PTPRF: variants seen among roughly 807,000 people sequenced by gnomAD.
The protein encoded by PTPRF is receptor-type tyrosine-protein phosphatase F.
In PTPRF, 59 loss-of-function variants were observed where a neutral mutation model predicts 201.8. The ratio of observed to expected loss-of-function variants is 0.29; its 90% CI spans 0.24 to 0.36. PTPRF has a LOEUF of 0.36. Ranked by LOEUF, PTPRF falls within the 10% of genes least tolerant of loss-of-function variation. The pLI, the probability that PTPRF is intolerant of heterozygous loss-of-function variation, is 1.00. For synonymous variants in PTPRF, 1,088 were observed against 1,089.7 expected (o/e 1.00, Z 0.03); for missense variants, 2,132 against 2,690.5 (o/e 0.79, Z 4.59).
At chr1:43,575,166 A>T (rs973259854) in intron 6 of PTPRF, among the ~76,000 whole-genome samples, 1 of 152,154 alleles carries the variant, frequency 6.6e-6, no homozygotes, top group African/African-American at 2.4e-5. Context: ...AAACCCGCTC[A>T]AATCTCCTAA....
At chr1:43,544,943 A>G (rs1025650796) in intron 2 of PTPRF, 88 bp from the exon 3 acceptor site, 2 of 760,508 alleles carry the variant, frequency 2.6e-6, no homozygotes, top group African/African-American at 3.5e-5. Flanking sequence ...GTCAGTGAGG[A>G]TGACTGGGGG....
At chr1:43,545,883 C>T (rs1039890697) in intron 3 of PTPRF, among the ~76,000 whole-genome samples, 2 of 152,206 alleles carry the variant, frequency 1.3e-5, no homozygotes, top group East Asian at 1.9e-4. Context: ...GCTGCCCTTC[C>T]CCCTGCCTGG....
rs1353396650 is a variant in PTPRF, at chr1:43,569,740, C to T, written c.530C>T (p.Pro177Leu). Residue 177 changes from proline (P) to leucine (L), a missense_variant, in exon 6 of 34, where the codon CCT (proline) becomes CTT (leucine). This residue lies in a region of PTPRF where 297 missense variants were observed against 454.0 expected (regional missense o/e 0.65). Coordinates refer to ENST00000359947, the MANE Select transcript of PTPRF (RefSeq NM_002840.5). ...TTCAAGGACTTCCTTCCTGTAGACC[C>T]TGCCACGAGCAACGGCCGCATCAAG... ...SWFKDFLPVD[P>L]ATSNGRIKQL... 1 of 1,613,406 alleles carries T rather than the reference C, an allele frequency of 6.2e-7. No individual in the cohort carries two copies.
chr1:43,577,678 G>T (rs1647020217), intron 6 of PTPRF, among the ~76,000 whole-genome samples: 1 of 152,144 alleles, frequency 6.6e-6, no homozygotes, highest in Non-Finnish European at 1.5e-5. Context: ...TCCATGTCCT[G>T]TGTGGGTGTG....
chr1:43,620,261 G>T lies in PTPRF; in HGVS notation c.5238+40G>T, dbSNP rs372141810. The T allele has an allele frequency of 1.2e-5, 20 of 1,609,656 alleles. No homozygotes were observed. In the East Asian group the frequency reaches 3.3e-4, roughly 27 times the overall value. ...TCCCCCAGGGCCCCTGTCATACCTG[G>T]GAGAACACCAGCCACCCTTGGGGGA... On this transcript the variant is annotated intron_variant, in intron 30 of 33. Coordinates refer to ENST00000359947, the MANE Select transcript of PTPRF (RefSeq NM_002840.5).
chr1:43,598,664 C>T, intron 12 of PTPRF, 56 bp from the exon 13 acceptor site: 1 of 1,536,606 alleles, frequency 6.5e-7, no homozygotes. Flanking sequence ...GCTGTGCCCA[C>T]CTGAGCTAGG....
At chr1:43,608,316 G>A (rs903802493) in intron 21 of PTPRF, among the ~76,000 whole-genome samples, 1 of 152,178 alleles carries the variant, frequency 6.6e-6, no homozygotes, top group African/African-American at 2.4e-5. Flanking sequence ...TTGTCTTTCG[G>A]GACCTAGTAA....
At chr1:43,577,316 G>C (rs1175252397) in intron 6 of PTPRF, among the ~76,000 whole-genome samples, 1 of 152,182 alleles carries the variant, frequency 6.6e-6, no homozygotes, top group Non-Finnish European at 1.5e-5. Flanking sequence ...GACCTGTTGG[G>C]TGCCCATCAG....
chr1:43,549,224 G>A (rs1021479772), intron 3 of PTPRF, among the ~76,000 whole-genome samples: 1 of 152,234 alleles, frequency 6.6e-6, no homozygotes, highest in African/African-American at 2.4e-5. Flanking sequence ...CTCAGAAGTT[G>A]TGTTCCGACC....
At position 43,554,061 on chromosome 1, in the gene PTPRF, G is replaced by A. The variant is rs1016856462; in HGVS notation, c.379+120G>A. On this transcript the variant is annotated intron_variant, in intron 5 of 33. Transcript: ENST00000359947. This position sits in a 1 kb window ranked among gnomAD's most constrained non-coding sequence, Gnocchi z 4.1. ...GGCAGAAAGGAGGACTGGCCACCTC[G>A]GGGTCAGTGAAAGTCAGTGGTGGAC... 61 of 1,344,396 alleles carry A rather than the reference G, an allele frequency of 4.5e-5. No individual in the cohort carries two copies. The highest frequency in any genetic ancestry group is 5.6e-5 in the Non-Finnish European group (55 of 990,338). The allele number at this position is 1,344,396 out of a possible 1,614,324, so 83.3% of individuals were successfully genotyped here.
In PTPRF at chr1:43,588,693, T is replaced by A. The variant is rs1323727796; in HGVS notation, c.680-38T>A. 1 of 1,606,838 alleles carries A rather than the reference T, an allele frequency of 6.2e-7. No homozygotes were observed. Among genetic ancestry groups the A allele is most frequent in the East Asian group, 2.2e-5 (1 of 44,862 alleles). On this transcript the variant is annotated intron_variant, in intron 7 of 33. Transcript: ENST00000359947. The surrounding 1 kb of genome is among the most constrained non-coding windows in gnomAD (Gnocchi z 5.3). ...TGCCCTTCCATGCAGTCGTGTGTCC[T>A]GCCCGGCCTGTGAGTGCCTCTCTCC...
chr1:43,538,639 G>A (rs1261475398), intron 2 of PTPRF, among the ~76,000 whole-genome samples: 1 of 152,222 alleles, frequency 6.6e-6, no homozygotes, highest in Non-Finnish European at 1.5e-5. Context: ...GCTACTGTAG[G>A]TGTGAAATAG....
At chr1:43,590,754 C>T (rs1253905547) in intron 8 of PTPRF, among the ~76,000 whole-genome samples, 5 of 152,226 alleles carry the variant, frequency 3.3e-5, no homozygotes, top group African/African-American at 9.6e-5. Flanking sequence ...ACTAAATGAC[C>T]CAAGGCCCTG....
intron 23 of PTPRF, 30 bp from the exon 24 acceptor site, chr1:43,617,415 C>G (rs1035183590): frequency 3.2e-5 from 52 of 1,613,558 alleles, no homozygotes; most frequent in Admixed American, 2.3e-4. Context: ...GCTCTTACCC[C>G]ACCCCACCCG....
chr1:43,597,392 A>G (rs1291305835), intron 11 of PTPRF, among the ~76,000 whole-genome samples: 1 of 152,096 alleles, frequency 6.6e-6, no homozygotes, highest in African/African-American at 2.4e-5. Context: ...CCAAGACAGT[A>G]TATGTATGAG....
chr1:43,545,586 G>A (rs1302732059), intron 3 of PTPRF, among the ~76,000 whole-genome samples: 1 of 152,118 alleles, frequency 6.6e-6, no homozygotes, highest in Non-Finnish European at 1.5e-5. Context: ...GGACGCGGGT[G>A]TGTCCATAGG....
intron 1 of PTPRF, among the ~76,000 whole-genome samples, chr1:43,532,923 G>A (rs575393739): frequency 4.6e-4 from 70 of 151,676 alleles, no homozygotes; most frequent in Non-Finnish European, 8.2e-4. Context: ...GCCCCCTCTC[G>A]CATACCTGGG....
At chr1:43,568,518 T>C (rs973403020) in intron 5 of PTPRF, among the ~76,000 whole-genome samples, 3 of 152,204 alleles carry the variant, frequency 2.0e-5, no homozygotes, top group African/African-American at 7.2e-5. Context: ...GACCTCACAG[T>C]AGCCTTACCA....
rs1170351175 is a variant in PTPRF at position 43,538,282 on chromosome 1, G to A, written c.-46+5G>A. The A allele has an allele frequency of 2.5e-6, 1 of 398,804 alleles. No homozygotes were observed. The highest frequency in any genetic ancestry group is 4.4e-6 in the Non-Finnish European group (1 of 226,304). 24.7% of individuals were successfully genotyped at this position (398,804 alleles called of 1,614,324 possible). The stretch of plus-strand genomic sequence containing the variant: ...GGGTGAAGAAGCAAAGACTCGGTGA[G>A]TGTGCCCCACAGAGTGGCCAGGAGC... On this transcript the variant is annotated splice_donor_5th_base_variant and intron_variant, in intron 2 of 33. Transcript: ENST00000359947.
Sources: allele counts gnomAD v4.1 joint callset (sites outside exome capture counted in the v4.1 genomes callset), GRCh38; gene constraint gnomAD v4.1.1; regional missense constraint gnomAD v4.1.1; non-coding constraint Gnocchi (gnomAD v3.1); transcripts MANE v1.5; gene names NCBI Gene and HGNC (gene_info 2026-07-23, HGNC 2026-07-21).